The following TRHDE variants were observed in gnomAD, a reference collection of about 807,000 sequenced individuals.
The protein encoded by TRHDE is thyrotropin releasing hormone degrading enzyme.
A neutral mutation model predicts 125.7 loss-of-function variants in TRHDE; 72 were observed. The observed-to-expected ratio is 0.57, with a 90% CI of 0.47 to 0.70. TRHDE has a LOEUF of 0.70. Ranked by LOEUF, TRHDE falls within the 30% of genes least tolerant of loss-of-function variation. The pLI is 0.00. For synonymous variants in TRHDE, 509 were observed against 509.1 expected (o/e 1.00, Z 0.00); for missense variants, 1,110 against 1,327.1 (o/e 0.84, Z 2.54).
chr12:72,413,105 T>C (rs1389042244), intron 3 of TRHDE, among the ~76,000 whole-genome samples: 1 of 152,124 alleles, frequency 6.6e-6, no homozygotes, highest in Non-Finnish European at 1.5e-5. Flanking sequence ...ACTACTTCTA[T>C]ATATGTTATT....
At chr12:72,463,600 T>C (rs1876228158) in intron 3 of TRHDE, among the ~76,000 whole-genome samples, 1 of 152,174 alleles carries the variant, frequency 6.6e-6, no homozygotes, top group Non-Finnish European at 1.5e-5. Context: ...AGCTTGATCA[T>C]GTAGCAGAGA....
intron 2 of TRHDE, among the ~76,000 whole-genome samples, chr12:72,163,975 G>C (rs1322352036): frequency 6.6e-6 from 1 of 152,076 alleles, no homozygotes; most frequent in Non-Finnish European, 1.5e-5. Flanking sequence ...GCTGGGTGTG[G>C]TGGCACATAC....
intron 2 of TRHDE, among the ~76,000 whole-genome samples, chr12:72,376,877 T>C (rs75767896): frequency 0.056 from 8,547 of 152,160 alleles, 459 homozygotes; most frequent in African/African-American, 0.13. Flanking sequence ...TAAACCATTT[T>C]TTTTTTTTAG....
chr12:72,365,923 C>T (rs1871322431), intron 2 of TRHDE, among the ~76,000 whole-genome samples: 1 of 152,048 alleles, frequency 6.6e-6, no homozygotes, highest in South Asian at 2.1e-4. Context: ...GATCTGGTTC[C>T]CTGCCTCTCC....
chr12:72,207,260 T>A (rs1217622410), intron 2 of TRHDE, among the ~76,000 whole-genome samples: 1 of 152,192 alleles, frequency 6.6e-6, no homozygotes, highest in Non-Finnish European at 1.5e-5. Flanking sequence ...CCAGTCACAT[T>A]AGCTTAGATC....
At chr12:72,209,614 G>A (rs1202111079) in intron 2 of TRHDE, among the ~76,000 whole-genome samples, 1 of 152,146 alleles carries the variant, frequency 6.6e-6, no homozygotes, top group African/African-American at 2.4e-5. Flanking sequence ...TAATGTATTT[G>A]ATGATTTACT....
intron 2 of TRHDE, among the ~76,000 whole-genome samples, chr12:72,331,959 T>C (rs958742823): frequency 2.0e-5 from 3 of 152,156 alleles, no homozygotes; most frequent in Non-Finnish European, 4.4e-5. Flanking sequence ...GCTGGGTAAT[T>C]TATAAAGAAA....
In TRHDE at chr12:72,552,713, A is replaced by C. The variant is rs774323904; in HGVS notation, c.1789-9452A>C. Among the ~76,000 whole-genome samples, 10 of 152,310 alleles carry C rather than the reference A, an allele frequency of 6.6e-5. No individual in the cohort carries two copies. The South Asian group carries it at 1.7e-3, about 25-fold the overall frequency. ...TTGATTTCAGTGGAGTAGGTTAAAG[A>C]GTGAATGGGAATGTGGAAATGGAAA... On this transcript the variant is annotated intron_variant, in intron 7 of 18. Coordinates refer to ENST00000261180, the MANE Select transcript of TRHDE (RefSeq NM_013381.3).
At chr12:72,226,599 G>A (rs1272543519) in intron 2 of TRHDE, among the ~76,000 whole-genome samples, 2 of 152,124 alleles carry the variant, frequency 1.3e-5, no homozygotes, top group African/African-American at 4.8e-5. Flanking sequence ...CAGACTGTAA[G>A]CCTCATTGCT....
At chr12:72,516,214 A>C (rs1878852260) in intron 6 of TRHDE, among the ~76,000 whole-genome samples, 1 of 151,402 alleles carries the variant, frequency 6.6e-6, no homozygotes, top group Admixed American at 6.6e-5. Flanking sequence ...GATGGCATTG[A>C]ATCTGTAAAT....
At chr12:72,136,528 A>T (rs547353783) in intron 2 of TRHDE, among the ~76,000 whole-genome samples, 1 of 152,364 alleles carries the variant, frequency 6.6e-6, no homozygotes, top group East Asian at 1.9e-4. Flanking sequence ...AACTGAGTGG[A>T]TTCTGTGCCC....
chr12:72,254,364 C>T (rs1473197780), intron 2 of TRHDE: 1 of 152,076 alleles, frequency 6.6e-6, no homozygotes, highest in African/African-American at 2.4e-5. Flanking sequence ...GCTTGACCCT[C>T]AATTCTATTA....
chr12:72,593,698 A>G (rs1871794493), intron 12 of TRHDE, among the ~76,000 whole-genome samples: 1 of 151,932 alleles, frequency 6.6e-6, no homozygotes, highest in Non-Finnish European at 1.5e-5. Context: ...CCTGTGTGTA[A>G]TGTTCCCCAC....
chr12:72,643,263 G>A (rs558614984), intron 15 of TRHDE, among the ~76,000 whole-genome samples: 1 of 152,188 alleles, frequency 6.6e-6, no homozygotes, highest in African/African-American at 2.4e-5. Flanking sequence ...ATTTGTAGCT[G>A]AGACTGAGGA....
chr12:72,510,784 G>A (rs1484564029), intron 6 of TRHDE, among the ~76,000 whole-genome samples: 1 of 152,016 alleles, frequency 6.6e-6, no homozygotes, highest in Non-Finnish European at 1.5e-5. Context: ...AACAAGCTTG[G>A]GACTGAAAAA....
At chr12:72,154,893 A>T (rs1011459869) in intron 2 of TRHDE, among the ~76,000 whole-genome samples, 8 of 151,900 alleles carry the variant, frequency 5.3e-5, no homozygotes, top group African/African-American at 1.9e-4. Flanking sequence ...CTTCTCTAGG[A>T]GTATCTTTGT....
Position 72,165,305 on chromosome 12 carries a change from A to G in TRHDE, n.279+59553A>G, listed in dbSNP as rs114479073. ...AATGATCCTTGAAGATAGACTACCAACATCTCACAAGCACATACCATAAAT... is the reference window on the plus strand; with the variant it reads ...AATGATCCTTGAAGATAGACTACCAGCATCTCACAAGCACATACCATAAAT... On this transcript the variant is annotated intron_variant and non_coding_transcript_variant, in intron 2 of 4. Coordinates refer to the TRHDE transcript ENST00000548156. 5.4e-3 allele frequency among the ~76,000 whole-genome samples: 819 copies of G among 152,324 alleles called. 7 individuals are homozygous for G. Among genetic ancestry groups the G allele is most frequent in the African/African-American group, 0.018 (757 of 41,576 alleles).
At chr12:72,288,152 G>C (rs887649130) in intron 2 of TRHDE, among the ~76,000 whole-genome samples, 12 of 152,024 alleles carry the variant, frequency 7.9e-5, no homozygotes, top group Non-Finnish European at 8.8e-5. Context: ...TTCAGATTGT[G>C]ATTCTTCTCA....
chr12:72,513,318 A>C (rs1475002753), intron 6 of TRHDE, among the ~76,000 whole-genome samples: 1 of 152,180 alleles, frequency 6.6e-6, no homozygotes, highest in East Asian at 1.9e-4. Flanking sequence ...TCCACAGGGC[A>C]GATACAATTC....
Sources: allele counts gnomAD v4.1 joint callset (sites outside exome capture counted in the v4.1 genomes callset), GRCh38; gene constraint gnomAD v4.1.1; transcripts MANE v1.5; gene names NCBI Gene and HGNC (gene_info 2026-07-23, HGNC 2026-07-21).